The following DOCK11 variants were observed in gnomAD, a reference collection of about 807,000 sequenced individuals.
The protein encoded by DOCK11 is dedicator of cytokinesis 11.
Under a neutral mutation model 169.1 loss-of-function variants are expected in DOCK11, and 70 were observed. The ratio of observed to expected loss-of-function variants is 0.41; its 90% confidence interval spans 0.34 to 0.51. The LOEUF is 0.51. DOCK11 is among the 20% of genes least tolerant of loss of function. The pLI, the probability that DOCK11 is intolerant of heterozygous loss-of-function variation, is 0.10. For synonymous variants in DOCK11, 529 were observed against 541.3 expected, an observed-to-expected ratio of 0.98 and a Z score of 0.32; for missense variants, 1,166 against 1,538.8, an observed-to-expected ratio of 0.76 and a Z score of 4.05.
chrX:118,606,692 C>T (rs1255343755), intron 24 of DOCK11, among the ~76,000 whole-genome samples: 1 of 111,863 alleles, frequency 8.9e-6, no homozygotes, highest in African/African-American at 3.3e-5. Flanking sequence ...TTGCGGGCAT[C>T]GCTGCTGTTG....
At chrX:118,537,129 G>A (rs2011786819) in intron 1 of DOCK11, among the ~76,000 whole-genome samples, 3 of 112,031 alleles carry the variant, frequency 2.7e-5, no homozygotes, top group African/African-American at 9.8e-5. Flanking sequence ...TAGTCTGACT[G>A]CAATACTGCA....
chrX:118,666,500 C>A (rs903914248), intron 45 of DOCK11, among the ~76,000 whole-genome samples: 2 of 111,198 alleles, frequency 1.8e-5, no homozygotes, highest in Non-Finnish European at 3.8e-5. Context: ...TCAATATGTA[C>A]CTTTTTTTAA....
intron 1 of DOCK11, among the ~76,000 whole-genome samples, chrX:118,528,503 G>A (rs2011431355): frequency 9.0e-6 from 1 of 111,462 alleles, no homozygotes; most frequent in South Asian, 3.7e-4. Flanking sequence ...AGAATGTACA[G>A]GAGAAGGTGT....
At position 118,621,928 on chromosome X, in the gene DOCK11, C is replaced by T. The variant is rs959879230; in HGVS notation, c.3472-2611C>T. ...GATTACAAGTGCGAGACACCGTGCC[C>T]AGCCAGCAATGTCTCTTGTTATAAT... On this transcript the variant is annotated intron_variant, in intron 31 of 52. Coordinates refer to ENST00000276202, the MANE Select transcript of DOCK11 (RefSeq NM_144658.4). 3.6e-5 allele frequency among the ~76,000 whole-genome samples: 4 copies of T among 111,546 alleles called. No individual in the cohort carries two copies. The East Asian group carries it at 1.1e-3, about 31-fold the overall frequency.
At chrX:118,672,761 T>A (rs956354786) in intron 46 of DOCK11, among the ~76,000 whole-genome samples, 6 of 112,824 alleles carry the variant, frequency 5.3e-5, no homozygotes, top group African/African-American at 1.9e-4. Context: ...AATAAAGCAG[T>A]TAGGCCTTTC....
intron 46 of DOCK11, among the ~76,000 whole-genome samples, chrX:118,672,867 A>C (rs888576014): frequency 3.6e-5 from 4 of 112,286 alleles, no homozygotes; most frequent in Non-Finnish European, 3.8e-5. Context: ...GATCAAATTC[A>C]CTTTTTCTTC....
chrX:118,661,264 T>C (rs2016207898), intron 44 of DOCK11, among the ~76,000 whole-genome samples: 1 of 110,853 alleles, frequency 9.0e-6, no homozygotes, highest in African/African-American at 3.3e-5. Context: ...TAGCAGACTT[T>C]CATCTTTCTC....
chrX:118,672,496 T>A (rs761227047), intron 46 of DOCK11, among the ~76,000 whole-genome samples: 3 of 113,013 alleles, frequency 2.7e-5, no homozygotes, highest in Admixed American at 9.3e-5. Flanking sequence ...GCAGTGGCGC[T>A]ATCTCGGCTC....
At chrX:118,595,457 A>G (rs2014132774) in intron 20 of DOCK11, among the ~76,000 whole-genome samples, 1 of 111,838 alleles carries the variant, frequency 8.9e-6, no homozygotes, top group South Asian at 3.7e-4. Context: ...AGCAGGCAGC[A>G]GGACTGAATA....
At position 118,605,406 on chromosome X, in the gene DOCK11, T is replaced by A. The variant is rs376040327; in HGVS notation, c.2681+50T>A. ...AGATGCTATTTATTTGAGATCTTTC[T>A]TATTTTTTAATGGAGGTATTCATTA... is the stretch of plus-strand genomic sequence containing the variant. On this transcript the variant is annotated intron_variant, in intron 24 of 52. Coordinates refer to ENST00000276202, the MANE Select transcript of DOCK11 (RefSeq NM_144658.4). 7 of 924,553 alleles carry A rather than the reference T, an allele frequency of 7.6e-6. No individual in the cohort carries two copies. In the African/African-American group the frequency reaches 1.4e-4, roughly 18 times the overall value. 76.2% of individuals were successfully genotyped at this position (924,553 alleles called of 1,213,427 possible).
chrX:118,636,397 T>C lies in DOCK11; in HGVS notation c.3938T>C (p.Ile1313Thr). 1 of 1,059,057 alleles carries C rather than the reference T, an allele frequency of 9.4e-7. No homozygotes were observed. The highest frequency in any genetic ancestry group is 1.3e-6 in the Non-Finnish European group (1 of 777,374). The allele number at this position is 1,059,057 out of a possible 1,213,427, so 87.3% of individuals were successfully genotyped here. A position where few individuals can be genotyped will look rare whatever the true frequency, so the allele number is the denominator to read the frequency against. The change falls in exon 36 of 53, where the codon ATT (isoleucine) becomes ACT (threonine). Residue 1313 changes from isoleucine (I) to threonine (T), a missense_variant. Physicochemically the swap from Ile to Thr is moderately conservative, Grantham distance 89 (BLOSUM62 -1). Transcript: ENST00000276202. ...GTATCACCTCAGGAGCTCATAAACA[T>C]TCTTATACTTTTAGAGTAAGTTATA... ...NKVSPQELIN[I>T]LILLEVCLFH...
chrX:118,665,092 A>G (rs1355764165), intron 45 of DOCK11, among the ~76,000 whole-genome samples: 1 of 111,962 alleles, frequency 8.9e-6, no homozygotes, highest in African/African-American at 3.2e-5. Flanking sequence ...CAATAATACT[A>G]TCGTGGTCAC....
intron 6 of DOCK11, among the ~76,000 whole-genome samples, chrX:118,556,999 G>T (rs1370202202): frequency 9.0e-6 from 1 of 111,547 alleles, no homozygotes; most frequent in African/African-American, 3.3e-5. Flanking sequence ...AAGAGTGTGG[G>T]CATTACAGAG....
At chrX:118,594,814 G>A (rs762004032) in intron 20 of DOCK11, among the ~76,000 whole-genome samples, 11 of 111,444 alleles carry the variant, frequency 9.9e-5, no homozygotes, top group Non-Finnish European at 1.5e-4. Flanking sequence ...TGGTGTTTGA[G>A]TGAGGCCTTA....
intron 37 of DOCK11, 108 bp from the exon 38 acceptor site, chrX:118,639,327 T>C: frequency 1.3e-6 from 1 of 769,031 alleles, no homozygotes; most frequent in Non-Finnish European, 1.8e-6. Flanking sequence ...AATCCTTGAG[T>C]GTACTACTAT....
chrX:118,599,140 A>G lies in DOCK11; in HGVS notation c.2474A>G (p.Asp825Gly). 8.3e-7 allele frequency: 1 copy of G among 1,207,800 alleles called. No homozygotes were observed. Among genetic ancestry groups the G allele is most frequent in the Non-Finnish European group, 1.1e-6 (1 of 892,250 alleles). The change falls in exon 23 of 53, where the codon GAT becomes GGT. Residue 825 changes from aspartate (D) to glycine (G), a missense_variant and splice_region_variant. Asp to Gly is a moderately conservative substitution (Grantham distance 94, BLOSUM62 -1). Transcript: ENST00000276202. ...SHLESTIYTQ[D>G]LHVHKFFHHC... Reference sequence around the variant, plus strand: ...TGGCTGTTTCCATCTGTGTTCCAGGATCTGCATGTGCACAAATTCTTCCAT... The same window carrying G: ...TGGCTGTTTCCATCTGTGTTCCAGGGTCTGCATGTGCACAAATTCTTCCAT...
chrX:118,544,827 A>AT (rs746896166), intron 4 of DOCK11, among the ~76,000 whole-genome samples: 100 of 93,337 alleles, frequency 1.1e-3, no homozygotes, highest in East Asian at 3.3e-3. Context: ...CCCCCAGTTA[A>AT]TTTTTTTTTT....
At chrX:118,518,098 G>A (rs1481273701) in intron 1 of DOCK11, among the ~76,000 whole-genome samples, 1 of 111,989 alleles carries the variant, frequency 8.9e-6, no homozygotes, top group African/African-American at 3.2e-5. Context: ...GCAAGGATTT[G>A]TGGTCATGAT....
Position 118,543,869 on chromosome X carries a change from A to C in DOCK11, c.392+276A>C, listed in dbSNP as rs141943857. Among the ~76,000 whole-genome samples the C allele has an allele frequency of 3.4e-3, 382 of 111,711 alleles. 2 individuals carry two copies. Among genetic ancestry groups the C allele is most frequent in the African/African-American group, 0.012 (370 of 30,708 alleles). On this transcript the variant is annotated intron_variant, in intron 4 of 52. Coordinates refer to ENST00000276202, the MANE Select transcript of DOCK11 (RefSeq NM_144658.4). The stretch of plus-strand genomic sequence containing the variant: ...GGAGGGTGAGGCAGGACAATGTTGT[A>C]AACCCGGGAGGCGGAGGTTGCAGTG...
Sources: allele counts gnomAD v4.1 joint callset (sites outside exome capture counted in the v4.1 genomes callset), GRCh38; gene constraint gnomAD v4.1.1; transcripts MANE v1.5; gene names NCBI Gene and HGNC (gene_info 2026-07-23, HGNC 2026-07-21).